PPEF2: variants seen among roughly 807,000 people sequenced by gnomAD.
The protein encoded by PPEF2 is serine/threonine-protein phosphatase with EF-hands 2.
A neutral mutation model predicts 84.7 loss-of-function variants in PPEF2; 84 were observed. The observed-to-expected ratio is 0.99, with a 90% CI of 0.83 to 1.19. PPEF2 has a LOEUF of 1.19. PPEF2 is among the 50% of genes most tolerant of loss of function. The probability of loss-of-function intolerance (pLI) is 0.00; values close to 1 mark genes in which losing one functional copy is unlikely to be tolerated. For synonymous variants in PPEF2, 346 were observed against 345.2 expected (o/e 1.00, Z -0.03); for missense variants, 924 against 937.5 (o/e 0.99, Z 0.19).
chr4:75,865,413 A>C (rs1022202264), intron 15 of PPEF2, among the ~76,000 whole-genome samples: 1 of 151,026 alleles, frequency 6.6e-6, no homozygotes, highest in African/African-American at 2.4e-5. Context: ...TTTTAAACAG[A>C]GTCTTGCTGT....
chr4:75,866,569 C>T (rs1560479530), intron 14 of PPEF2: 3 of 642,638 alleles, frequency 4.7e-6, no homozygotes, highest in Non-Finnish European at 8.4e-6. Context: ...TGAAGACAGA[C>T]AGTAAAGTAT....
intron 13 of PPEF2, among the ~76,000 whole-genome samples, chr4:75,867,633 A>G (rs1276829926): frequency 1.3e-5 from 2 of 152,164 alleles, no homozygotes; most frequent in Non-Finnish European, 2.9e-5. Context: ...GTGGTTAGAG[A>G]AGAAGTTCTG....
chr4:75,882,598 C>G, intron 10 of PPEF2, among the ~76,000 whole-genome samples: 1 of 150,904 alleles, frequency 6.6e-6, no homozygotes, highest in Non-Finnish European at 1.5e-5. Flanking sequence ...AGTGCAATGG[C>G]AATCAGAGCT....
chr4:75,862,420 C>T (rs1274055723), intron 16 of PPEF2, among the ~76,000 whole-genome samples: 1 of 151,392 alleles, frequency 6.6e-6, no homozygotes, highest in Non-Finnish European at 1.5e-5. Flanking sequence ...TATCCTAGTA[C>T]CCAGAATATA....
chr4:75,896,071 G>A (rs1725003165), intron 2 of PPEF2, among the ~76,000 whole-genome samples, 200 bp downstream of exon 2: 1 of 152,156 alleles, frequency 6.6e-6, no homozygotes, highest in Non-Finnish European at 1.5e-5. Context: ...AACTTCCTGA[G>A]CGAATGTTAA....
chr4:75,876,245 T>C (rs1403246274), intron 11 of PPEF2, 42 bp downstream of exon 11: 8 of 1,543,708 alleles, frequency 5.2e-6, no homozygotes, highest in East Asian at 2.3e-5. Flanking sequence ...TTTTGACCTG[T>C]TGGCAGCCAC....
chr4:75,895,127 A>ATTTTTTTT (rs34515110), intron 2 of PPEF2, among the ~76,000 whole-genome samples: 2 of 129,272 alleles, frequency 1.5e-5, no homozygotes, highest in Non-Finnish European at 3.2e-5. Flanking sequence ...CAGCTAATTA[A>ATTTTTTTT]TTTTTTTTTT....
At position 75,860,522 on chromosome 4, in the gene PPEF2, C is replaced by T; in HGVS notation, c.*145G>A. 1 of 1,101,116 alleles carries T rather than the reference C, an allele frequency of 9.1e-7. No individual in the cohort carries two copies. Among genetic ancestry groups the T allele is most frequent in the South Asian group, 1.6e-5 (1 of 61,640 alleles). 68.2% of individuals were successfully genotyped at this position (1,101,116 alleles called of 1,614,324 possible). A position where few individuals can be genotyped will look rare whatever the true frequency, so the allele number is the denominator to read the frequency against. On this transcript the variant is annotated 3_prime_UTR_variant, in exon 17 of 17. Coordinates refer to ENST00000286719, the MANE Select transcript of PPEF2 (RefSeq NM_006239.3). ...TACACAACACCCCAACCCACCCCTCCACACTGAAATACACAGGTGATTCTG... is the reference window on the plus strand; with the variant it reads ...TACACAACACCCCAACCCACCCCTCTACACTGAAATACACAGGTGATTCTG...
intron 11 of PPEF2, among the ~76,000 whole-genome samples, chr4:75,875,629 C>T (rs2149218170): frequency 6.6e-6 from 1 of 152,134 alleles, no homozygotes; most frequent in South Asian, 2.1e-4. Flanking sequence ...AAAACAAAAA[C>T]AAAACAAGCT....
At position 75,860,394 on chromosome 4, in the gene PPEF2, T is replaced by C; in HGVS notation, c.*273A>G. The stretch of plus-strand genomic sequence containing the variant: ...GAGAGAGTTACATTGTCAGTGGTTC[T>C]TAACTGAAGTGGACTTTAGAATTTG... On this transcript the variant is annotated 3_prime_UTR_variant, in exon 17 of 17. Transcript: ENST00000286719. The C allele has an allele frequency of 4.4e-6, 2 of 451,212 alleles. No homozygotes were observed. The highest frequency in any genetic ancestry group is 6.9e-5 in the South Asian group (2 of 28,834). 28.0% of individuals were successfully genotyped at this position (451,212 alleles called of 1,614,324 possible).
chr4:75,878,835 G>C (rs538049699), intron 10 of PPEF2, among the ~76,000 whole-genome samples: 1 of 152,310 alleles, frequency 6.6e-6, no homozygotes, highest in African/African-American at 2.4e-5. Context: ...CTGGAGTGCA[G>C]TGGTGCGATC....
intron 10 of PPEF2, among the ~76,000 whole-genome samples, chr4:75,878,617 C>T (rs1316113678): frequency 6.6e-6 from 1 of 152,190 alleles, no homozygotes; most frequent in African/African-American, 2.4e-5. Flanking sequence ...AGCTTATTAT[C>T]TGACATTGGA....
intron 10 of PPEF2, among the ~76,000 whole-genome samples, chr4:75,880,823 C>T (rs1425476061): frequency 6.9e-5 from 5 of 72,076 alleles, no homozygotes; most frequent in East Asian, 5.0e-4. Flanking sequence ...TTTTTTGAGA[C>T]AGAGTCTCAC....
In PPEF2 at chr4:75,888,286, TG is replaced by T. The variant is rs1560486731; in HGVS notation, c.459del (p.Lys154ArgfsTer34). 1.9e-6 allele frequency: 3 copies of T among 1,614,052 alleles called. No homozygotes were observed. Among genetic ancestry groups the T allele is most frequent in the Non-Finnish European group, 2.5e-6 (3 of 1,179,952 alleles). On this transcript the variant is annotated frameshift_variant, in exon 6 of 17. Coordinates refer to ENST00000286719, the MANE Select transcript of PPEF2 (RefSeq NM_006239.3). LOFTEE classifies it high-confidence loss of function. ...ARYVLNLLYETKKHLVQLPNI... is the reference protein window; with the variant it reads ...ARYVLNLLYEXKKHLVQLPNI... Reference sequence around the variant, plus strand: ...TTTGGCAGCTGTACCAGATGTTTCTTGGTTTCATACAAAAGGTTCAAGACGT... The same window carrying T: ...TTTGGCAGCTGTACCAGATGTTTCTTGTTTCATACAAAAGGTTCAAGACGT...
chr4:75,872,306 C>CT, intron 12 of PPEF2, 139 bp from the exon 13 acceptor site: 1 of 885,354 alleles, frequency 1.1e-6, no homozygotes, highest in African/African-American at 1.7e-5. Flanking sequence ...TTCTTTCTTT[C>CT]TTTCTTTTTT....
intron 16 of PPEF2, 83 bp downstream of exon 16, chr4:75,864,357 A>C: frequency 9.5e-7 from 1 of 1,048,468 alleles, no homozygotes; most frequent in East Asian, 2.4e-5. Flanking sequence ...GAGATGAATG[A>C]GGATGAATCA....
At chr4:75,897,157 C>T (rs1725029082) in intron 1 of PPEF2, among the ~76,000 whole-genome samples, 1 of 152,116 alleles carries the variant, frequency 6.6e-6, no homozygotes, top group Non-Finnish European at 1.5e-5. Flanking sequence ...CTGGCCAGGC[C>T]ACACCTTTAT....
intron 16 of PPEF2, among the ~76,000 whole-genome samples, chr4:75,861,985 T>C (rs1724016098): frequency 6.6e-6 from 1 of 151,316 alleles, no homozygotes; most frequent in East Asian, 2.0e-4. Context: ...AATTGGACTT[T>C]TTCAAAATTA....
At chr4:75,866,088 A>T in intron 15 of PPEF2, 101 bp downstream of exon 15, 1 of 1,308,608 alleles carries the variant, frequency 7.6e-7, no homozygotes. Context: ...TCACCCATCC[A>T]GCTTTTTGGG....
Sources: allele counts gnomAD v4.1 joint callset (sites outside exome capture counted in the v4.1 genomes callset), GRCh38; gene constraint gnomAD v4.1.1; transcripts MANE v1.5; gene names NCBI Gene and HGNC (gene_info 2026-07-23, HGNC 2026-07-21).